The following TVP23C variants were observed in gnomAD, a reference collection of about 807,000 sequenced individuals.
TVP23C encodes the protein Golgi apparatus membrane protein TVP23 homolog C.
A neutral mutation model predicts 28.7 loss-of-function variants in TVP23C; 19 were observed. That is an observed-to-expected ratio of 0.66 (90% confidence interval 0.46 to 0.97). The LOEUF is 0.97. Among genes scored for constraint, TVP23C ranks in the 50% least tolerant of loss-of-function variants. The pLI, the probability that TVP23C is intolerant of heterozygous loss-of-function variation, is 0.00. For missense variants in TVP23C, 186 were observed against 241.3 expected, an observed-to-expected ratio of 0.77 and a Z score of 1.52; for synonymous variants, 68 against 81.7, an observed-to-expected ratio of 0.83 and a Z score of 0.90.
chr17:15,544,248 TATGTTTAAAC>T (rs1983546627), intron 5 of TVP23C, among the ~76,000 whole-genome samples: 1 of 152,222 alleles, frequency 6.6e-6, no homozygotes, highest in African/African-American at 2.4e-5. Flanking sequence ...AATAGGCTCA[TATGTTTAAAC>T]ATGAGTCAAA....
At chr17:15,505,193 C>T (rs114742905) in intron 5 of TVP23C, among the ~76,000 whole-genome samples, 410 of 152,226 alleles carry the variant, frequency 2.7e-3, no homozygotes, top group African/African-American at 9.1e-3. Flanking sequence ...AACAAAACAA[C>T]AACAACAAAA....
rs374284414 is a variant in TVP23C at position 15,561,630 on chromosome 17, GAATAAATAAATAAATA to G, written c.12+1791_12+1806del. On this transcript the variant is annotated intron_variant, in intron 1 of 5. Transcript: ENST00000518321. ...TGAATGAATGAATGAATGAATGAATGAATAAATAAATAAATAAATAAATAAATAAATAAATAGTGGG... is the reference window on the plus strand; with the variant it reads ...TGAATGAATGAATGAATGAATGAATGAATAAATAAATAAATAAATAGTGGG... Among the ~76,000 whole-genome samples, 1,112 of 131,654 alleles carry G rather than the reference GAATAAATAAATAAATA, an allele frequency of 8.4e-3. 5 individuals are homozygous for G. Among genetic ancestry groups the G allele is most frequent in the African/African-American group, 0.028 (956 of 34,614 alleles). 86.4% of individuals were successfully genotyped at this position (131,654 alleles called of 152,430 possible).
intron 3 of TVP23C, among the ~76,000 whole-genome samples, chr17:15,552,108 A>C (rs878956569): frequency 6.6e-6 from 1 of 152,244 alleles, no homozygotes; most frequent in South Asian, 2.1e-4. Context: ...AATTTTAAGA[A>C]TTTGGAAATT....
At chr17:15,555,438 C>T (rs1211445138) in intron 1 of TVP23C, 74 bp from the exon 2 acceptor site, 4 of 1,569,900 alleles carry the variant, frequency 2.5e-6, no homozygotes, top group Non-Finnish European at 3.5e-6. Flanking sequence ...TGCAAAGCTG[C>T]ATACTCATCA....
At chr17:15,563,409 C>G in intron 1 of TVP23C, 28 bp downstream of exon 1, 1 of 1,586,590 alleles carries the variant, frequency 6.3e-7, no homozygotes, top group African/African-American at 1.3e-5. Flanking sequence ...GGAGCCGCCA[C>G]CCTCCCAGCG....
chr17:15,530,199 T>G (rs1385307582), intron 5 of TVP23C, among the ~76,000 whole-genome samples: 2 of 152,246 alleles, frequency 1.3e-5, no homozygotes, highest in Non-Finnish European at 2.9e-5. Flanking sequence ...TTTCCTTTTA[T>G]GCATCTTATG....
At chr17:15,544,046 C>T (rs1214909312) in intron 5 of TVP23C, among the ~76,000 whole-genome samples, 1 of 151,472 alleles carries the variant, frequency 6.6e-6, no homozygotes, top group Non-Finnish European at 1.5e-5. Flanking sequence ...AAGATAAATA[C>T]AAATACATCT....
intron 5 of TVP23C, chr17:15,506,880 C>G (rs1981774856): frequency 2.5e-6 from 2 of 797,420 alleles, no homozygotes; most frequent in Non-Finnish European, 4.2e-6. Context: ...TCAACCCCAC[C>G]ATGTTCTTCA....
At chr17:15,545,506 T>C (rs1259028066) in intron 5 of TVP23C, among the ~76,000 whole-genome samples, 3 of 152,302 alleles carry the variant, frequency 2.0e-5, no homozygotes, top group Non-Finnish European at 4.4e-5. Context: ...TTGGGGTGAT[T>C]TGTTAGGCAG....
chr17:15,536,208 A>G (rs1426687105), downstream of TVP23C, among the ~76,000 whole-genome samples: 1 of 152,110 alleles, frequency 6.6e-6, no homozygotes, highest in East Asian at 1.9e-4. Context: ...AAAAATTCAG[A>G]CAAGTAGTTC....
intron 5 of TVP23C, among the ~76,000 whole-genome samples, chr17:15,504,367 A>G (rs1048985846): frequency 1.3e-5 from 2 of 152,206 alleles, no homozygotes; most frequent in Admixed American, 1.3e-4. Context: ...GAGAGGCAGA[A>G]TTGAAGTCGT....
At chr17:15,504,077 T>TC (rs1597498299) in intron 5 of TVP23C, among the ~76,000 whole-genome samples, 1 of 152,118 alleles carries the variant, frequency 6.6e-6, no homozygotes, top group Non-Finnish European at 1.5e-5. Context: ...CCCCACATTT[T>TC]CCCCTGAACA....
At chr17:15,503,265 G>C in intron 5 of TVP23C, 1 of 1,453,150 alleles carries the variant, frequency 6.9e-7, no homozygotes, top group South Asian at 1.5e-5. Flanking sequence ...AAATTAGCCA[G>C]GTGTAGTGGC....
chr17:15,507,662 C>A (rs1054149446), intron 5 of TVP23C, among the ~76,000 whole-genome samples: 1 of 152,110 alleles, frequency 6.6e-6, no homozygotes, highest in African/African-American at 2.4e-5. Flanking sequence ...CACGGTGAAA[C>A]CCCATCTCTA....
rs1189026307 is a variant in TVP23C, at chr17:15,538,848, C to T, written c.*1564G>A. 5 of 985,608 alleles carry T rather than the reference C, an allele frequency of 5.1e-6. No individual in the cohort carries two copies. In the South Asian group the frequency reaches 1.4e-4, roughly 28 times the overall value. 61.1% of individuals were successfully genotyped at this position (985,608 alleles called of 1,614,324 possible). On this transcript the variant is annotated 3_prime_UTR_variant, in exon 6 of 6. Transcript: ENST00000518321. The stretch of plus-strand genomic sequence containing the variant: ...TACATGAAAGTTACCCTAAGGTGGA[C>T]CACAGTAAAGGTATATTGGAGCCAT...
chr17:15,502,294 T>TC (rs1555542925), exon 6 of TVP23C: 2 of 71,810 alleles, frequency 2.8e-5, no homozygotes, highest in African/African-American at 4.5e-5. Flanking sequence ...TAATGGGGGG[T>TC]GGGGGGGCAC....
At chr17:15,559,307 C>G (rs1045053376) in intron 1 of TVP23C, among the ~76,000 whole-genome samples, 2 of 86,550 alleles carry the variant, frequency 2.3e-5, no homozygotes, top group Non-Finnish European at 4.5e-5. Flanking sequence ...GTAAGTGGTA[C>G]AGATTTAAAA....
intron 5 of TVP23C, among the ~76,000 whole-genome samples, chr17:15,523,009 A>AG (rs1477286175): frequency 1.3e-4 from 19 of 151,872 alleles, no homozygotes; most frequent in Admixed American, 6.6e-4. Context: ...GTTATAGAGC[A>AG]GAATTTTTTT....
intron 5 of TVP23C, among the ~76,000 whole-genome samples, chr17:15,519,273 C>A (rs973623388): frequency 1.3e-5 from 2 of 152,060 alleles, no homozygotes; most frequent in Non-Finnish European, 1.5e-5. Flanking sequence ...ATGGTCCCTG[C>A]CTTCAAGAAA....
Sources: allele counts gnomAD v4.1 joint callset (sites outside exome capture counted in the v4.1 genomes callset), GRCh38; gene constraint gnomAD v4.1.1; transcripts MANE v1.5; gene names NCBI Gene and HGNC (gene_info 2026-07-23, HGNC 2026-07-21).